Variants in SOS1 observed in about 807,000 individuals in gnomAD.
SOS1 encodes SOS Ras/Rac guanine nucleotide exchange factor 1.
Under a neutral mutation model 157.6 loss-of-function variants are expected in SOS1, and 25 were observed. The observed-to-expected ratio is 0.16, with a 90% CI of 0.12 to 0.22. The LOEUF (loss-of-function observed/expected upper bound fraction) is 0.22. SOS1 is among the 10% of genes least tolerant of loss of function. The pLI is 1.00. For missense variants in SOS1, 1,237 were observed against 1,599.1 expected, an observed-to-expected ratio of 0.77 and a Z score of 3.86; for synonymous variants, 528 against 534.0, an observed-to-expected ratio of 0.99 and a Z score of 0.16.
intron 2 of SOS1, 107 bp from the exon 3 acceptor site, chr2:39,058,911 A>G: frequency 2.4e-6 from 2 of 842,418 alleles, no homozygotes; most frequent in South Asian, 1.6e-5. Flanking sequence ...AGCTTTTCAC[A>G]TGTGGTATAA....
chr2:39,011,965 G>A (rs1001878072), intron 14 of SOS1, among the ~76,000 whole-genome samples, 161 bp downstream of exon 14: 2 of 152,160 alleles, frequency 1.3e-5, no homozygotes, highest in South Asian at 4.1e-4. Context: ...GGGACCAGGG[G>A]AGTAAAAGAA....
chr2:39,044,979 T>TTATATCAG (rs2124583274), intron 6 of SOS1, among the ~76,000 whole-genome samples: 1 of 152,272 alleles, frequency 6.6e-6, no homozygotes, highest in South Asian at 2.1e-4. Flanking sequence ...ATGGTATATT[T>TTATATCAG]GCATATAACC....
chr2:39,016,892 T>C (rs753769847), intron 10 of SOS1, among the ~76,000 whole-genome samples: 9 of 152,112 alleles, frequency 5.9e-5, no homozygotes, highest in Non-Finnish European at 1.2e-4. Context: ...AAGAAAACTG[T>C]GGCTATGTTT....
chr2:39,108,609 C>A (rs1252184857), intron 1 of SOS1, among the ~76,000 whole-genome samples: 2 of 152,142 alleles, frequency 1.3e-5, no homozygotes, highest in Non-Finnish European at 2.9e-5. Context: ...TCACTTCTGG[C>A]CAGGCACAGT....
chr2:39,059,053 A>C (rs995970813), intron 2 of SOS1, among the ~76,000 whole-genome samples: 14 of 152,106 alleles, frequency 9.2e-5, no homozygotes, highest in African/African-American at 2.9e-4. Flanking sequence ...TTTCAACTTC[A>C]CTGTGATAAA....
At chr2:39,074,358 G>GAAAAAAAAAAAAAAAA (rs11399990) in intron 1 of SOS1, among the ~76,000 whole-genome samples, 1 of 136,018 alleles carries the variant, frequency 7.4e-6, no homozygotes. Flanking sequence ...TCAGAAAAAA[G>GAAAAAAAAAAAAAAAA]AAAAAAAAAA....
At chr2:39,117,725 C>T (rs72909693) in intron 1 of SOS1, among the ~76,000 whole-genome samples, 5,060 of 152,176 alleles carry the variant, frequency 0.033, 261 homozygotes, top group African/African-American at 0.11. Context: ...GAAGTTATCA[C>T]AGTAGTCTGA....
At chr2:39,088,341 C>CACACA (rs1672457240) in intron 1 of SOS1, among the ~76,000 whole-genome samples, 1 of 148,866 alleles carries the variant, frequency 6.7e-6, no homozygotes, top group Non-Finnish European at 1.5e-5. Flanking sequence ...TGGTAAAATA[C>CACACA]ACACAACACA....
At chr2:39,026,629 C>G (rs115829643) in intron 8 of SOS1, among the ~76,000 whole-genome samples, 2,949 of 152,254 alleles carry the variant, frequency 0.019, 32 homozygotes, top group Middle Eastern at 0.034. Flanking sequence ...TCTCAAAGTA[C>G]CTTCCATCCC....
intron 2 of SOS1, among the ~76,000 whole-genome samples, chr2:39,061,527 A>G (rs541476698): frequency 5.3e-4 from 81 of 152,192 alleles, no homozygotes; most frequent in Non-Finnish European, 5.1e-4. Flanking sequence ...AGCTGGGACT[A>G]TAAGTACGTG....
intron 1 of SOS1, among the ~76,000 whole-genome samples, chr2:39,076,924 G>A (rs181257193): frequency 2.8e-4 from 42 of 152,226 alleles, no homozygotes; most frequent in Admixed American, 2.6e-3. Context: ...TAAAATTGTT[G>A]AAATAATCTA....
intron 3 of SOS1, 79 bp downstream of exon 3, chr2:39,058,594 T>C: frequency 6.8e-7 from 1 of 1,461,008 alleles, no homozygotes; most frequent in Non-Finnish European, 9.5e-7. Flanking sequence ...CAATTATCCA[T>C]AAAATATATT....
intron 2 of SOS1, 43 bp downstream of exon 2, chr2:39,067,585 A>T (rs1282733201): frequency 6.3e-7 from 1 of 1,580,600 alleles, no homozygotes; most frequent in Non-Finnish European, 8.7e-7. Flanking sequence ...CAACCAACAC[A>T]CAAATTAGAT....
chr2:39,002,931 G>T (rs561977420), intron 17 of SOS1, among the ~76,000 whole-genome samples: 1 of 152,184 alleles, frequency 6.6e-6, no homozygotes, highest in South Asian at 2.1e-4. Flanking sequence ...CAGGCATAGT[G>T]GTTTGTGCCT....
chr2:39,020,435 A>G (rs935124822), intron 10 of SOS1, among the ~76,000 whole-genome samples: 2 of 151,720 alleles, frequency 1.3e-5, no homozygotes, highest in African/African-American at 4.8e-5. Context: ...TTTTATTACA[A>G]TTCTATATAA....
intron 1 of SOS1, among the ~76,000 whole-genome samples, chr2:39,097,391 A>T (rs1337127385): frequency 1.3e-5 from 2 of 152,144 alleles, no homozygotes; most frequent in Non-Finnish European, 2.9e-5. Context: ...AAGCATCAAC[A>T]TGTTCTGTTA....
intron 20 of SOS1, 87 bp from the exon 21 acceptor site, chr2:38,989,401 G>A: frequency 1.2e-6 from 1 of 826,766 alleles, no homozygotes; most frequent in Admixed American, 1.9e-5. Flanking sequence ...TGATGAAAAT[G>A]TTATTGTCAT....
At chr2:39,043,660 A>G (rs1670652037) in intron 6 of SOS1, among the ~76,000 whole-genome samples, 2 of 152,194 alleles carry the variant, frequency 1.3e-5, no homozygotes, top group African/African-American at 2.4e-5. Flanking sequence ...TCTTGCTGGT[A>G]GGGACTCTGC....
chr2:39,054,268 T>C (rs1311349609), intron 5 of SOS1, among the ~76,000 whole-genome samples: 1 of 152,224 alleles, frequency 6.6e-6, no homozygotes, highest in East Asian at 1.9e-4. Context: ...CTGCCAAGCA[T>C]GGTACCTGAC....
Sources: allele counts gnomAD v4.1 joint callset (sites outside exome capture counted in the v4.1 genomes callset), GRCh38; gene constraint gnomAD v4.1.1; transcripts MANE v1.5; gene names NCBI Gene and HGNC (gene_info 2026-07-23, HGNC 2026-07-21).